The following DLGAP1 variants were observed in gnomAD, a reference collection of about 807,000 sequenced individuals.
The protein encoded by DLGAP1 is DLG associated protein 1, also known as disks large-associated protein 1.
DLGAP1 carries 11 observed loss-of-function variants against 90.8 expected under a neutral mutation model. That is an observed-to-expected ratio of 0.12 (90% confidence interval 0.08 to 0.20). DLGAP1 has a LOEUF of 0.20. Among genes scored for constraint, DLGAP1 ranks in the 10% least tolerant of loss-of-function variants. DLGAP1 has a pLI of 1.00. For missense variants in DLGAP1, 1,050 were observed against 1,333.8 expected (o/e 0.79, Z 3.31); for synonymous variants, 558 against 540.7 (o/e 1.03, Z -0.44).
chr18:4,183,537 ACTTT>A (rs1222682750), intron 1 of DLGAP1, among the ~76,000 whole-genome samples: 1 of 152,110 alleles, frequency 6.6e-6, no homozygotes, highest in African/African-American at 2.4e-5. Flanking sequence ...CTATAATTTA[ACTTT>A]CTTAAACTTT....
rs758540559 is a variant in DLGAP1 at position 3,581,962 on chromosome 18, G to C, written c.1878C>G (p.Thr626=). 1 of 1,614,088 alleles carries C rather than the reference G, an allele frequency of 6.2e-7. No individual in the cohort carries two copies. Among genetic ancestry groups the C allele is most frequent in the Non-Finnish European group, 8.5e-7 (1 of 1,180,000 alleles). ...QHMGNNTATV[T]TTTTIATVTT... ...TGACGGTGGCTATGGTAGTCGTGGT[G>C]GTGACGGTGGCAGTGTTATTGCCCA... Residue 626 remains threonine (T), a synonymous_variant, in exon 8 of 13, where the codon ACC becomes ACG. Transcript: ENST00000315677.
chr18:3,866,128 T>A (rs1487921491), intron 4 of DLGAP1, among the ~76,000 whole-genome samples: 1 of 152,184 alleles, frequency 6.6e-6, no homozygotes, highest in Non-Finnish European at 1.5e-5. Context: ...AGTGATTTTG[T>A]AGTCTGAGTC....
chr18:4,265,468 CCCTTCCTTCCTT>C (rs113453447), intron 1 of DLGAP1, among the ~76,000 whole-genome samples: 1 of 139,100 alleles, frequency 7.2e-6, no homozygotes, highest in Non-Finnish European at 1.5e-5. Flanking sequence ...TGCACCCAGC[CCCTTCCTTCCTT>C]CCTTCCTTTC....
intron 2 of DLGAP1, among the ~76,000 whole-genome samples, chr18:4,126,182 G>A (rs1054188028): frequency 6.6e-6 from 1 of 152,104 alleles, no homozygotes; most frequent in Non-Finnish European, 1.5e-5. Flanking sequence ...GGGGTAGGGG[G>A]ATCACATTAA....
chr18:4,396,628 A>G (rs1369986695), intron 1 of DLGAP1, among the ~76,000 whole-genome samples: 1 of 152,142 alleles, frequency 6.6e-6, no homozygotes, highest in Non-Finnish European at 1.5e-5. Context: ...CTCAAGAGCA[A>G]TTTGGTTGGT....
rs183449028 is a variant in DLGAP1, at chr18:3,542,649, T to C, written c.2058-8034A>G. Among the ~76,000 whole-genome samples the C allele has an allele frequency of 8.7e-4, 133 of 152,344 alleles. 1 individual carries two copies. In the Middle Eastern group the frequency reaches 0.01, roughly 12 times the overall value. On this transcript the variant is annotated intron_variant, in intron 9 of 12. Coordinates refer to ENST00000315677, the MANE Select transcript of DLGAP1 (RefSeq NM_004746.4). ...TAGCTTCTTTGCATACCCCCAAGAATGACAGTTGTCACTTGTCAGTTTGAC... is the reference window on the plus strand; with the variant it reads ...TAGCTTCTTTGCATACCCCCAAGAACGACAGTTGTCACTTGTCAGTTTGAC...
In DLGAP1 at chr18:3,498,996, G is replaced by T; in HGVS notation, c.*189C>A. 2 of 571,108 alleles carry T rather than the reference G, an allele frequency of 3.5e-6. No homozygotes were observed. Among genetic ancestry groups the T allele is most frequent in the South Asian group, 2.2e-5 (1 of 44,640 alleles). 35.4% of individuals were successfully genotyped at this position (571,108 alleles called of 1,614,324 possible). On this transcript the variant is annotated 3_prime_UTR_variant, in exon 13 of 13. Coordinates refer to ENST00000315677, the MANE Select transcript of DLGAP1 (RefSeq NM_004746.4). Reference sequence around the variant, plus strand: ...TCGGTGAAGAAGGAGATGGGCAAACGGGTACGGGAAGTGGGGGGCTGAGGG... The same window carrying T: ...TCGGTGAAGAAGGAGATGGGCAAACTGGTACGGGAAGTGGGGGGCTGAGGG...
chr18:4,343,120 A>T (rs918232826), intron 1 of DLGAP1, among the ~76,000 whole-genome samples: 8 of 152,112 alleles, frequency 5.3e-5, no homozygotes, highest in Non-Finnish European at 1.0e-4. Flanking sequence ...ATCCTGTCTA[A>T]CATGGTGAAA....
intron 3 of DLGAP1, among the ~76,000 whole-genome samples, chr18:3,927,760 T>G (rs2072424539): frequency 6.6e-6 from 1 of 152,216 alleles, no homozygotes; most frequent in Non-Finnish European, 1.5e-5. Flanking sequence ...CATGTGAATT[T>G]ATTATTAAGG....
Position 4,433,962 on chromosome 18 carries a change from C to G in DLGAP1, c.-267+21044G>C, listed in dbSNP as rs368260719. ...TGTGATTCACATCTGGTCACACACC[C>G]TACATTCCAGCCATCACAAATTCCT... On this transcript the variant is annotated intron_variant, in intron 1 of 12. Transcript: ENST00000315677. 1.6e-4 allele frequency among the ~76,000 whole-genome samples: 24 copies of G among 152,080 alleles called. 2 individuals carry two copies. The highest frequency in any genetic ancestry group is 1.4e-3 in the Admixed American group (21 of 15,262).
At chr18:4,310,205 T>C (rs1245918068) in intron 1 of DLGAP1, among the ~76,000 whole-genome samples, 2 of 152,228 alleles carry the variant, frequency 1.3e-5, no homozygotes, top group Non-Finnish European at 2.9e-5. Flanking sequence ...AGACTCCTCA[T>C]TCAGAAGATA....
chr18:3,632,536 C>T (rs1295714014), intron 7 of DLGAP1, among the ~76,000 whole-genome samples: 1 of 152,140 alleles, frequency 6.6e-6, no homozygotes. Context: ...CTCCTGACCT[C>T]AGGTGATCTG....
At chr18:3,624,292 C>T (rs368278508) in intron 7 of DLGAP1, among the ~76,000 whole-genome samples, 3 of 152,352 alleles carry the variant, frequency 2.0e-5, no homozygotes, top group East Asian at 1.9e-4. Flanking sequence ...CCTGCGTGCC[C>T]CTGCCCCGCG....
Position 4,038,628 on chromosome 18 carries a change from C to T in DLGAP1, c.-158-33427G>A, listed in dbSNP as rs567934082. Among the ~76,000 whole-genome samples the T allele has an allele frequency of 4.5e-4, 69 of 152,126 alleles. No individual in the cohort carries two copies. The South Asian group carries it at 8.1e-3, about 18-fold the overall frequency. On this transcript the variant is annotated intron_variant, in intron 2 of 12. Transcript: ENST00000315677. ...GAAGGAAGGCAGTTAAGGATCTAGC[C>T]GGTCCACAAATATTGAAGGAATAAT...
intron 4 of DLGAP1, among the ~76,000 whole-genome samples, chr18:3,850,255 G>A (rs2069261401): frequency 6.6e-6 from 1 of 152,116 alleles, no homozygotes. Context: ...GCCAGGCATT[G>A]TGGTGGCTGC....
chr18:4,302,436 TG>T (rs1309886533), intron 1 of DLGAP1, among the ~76,000 whole-genome samples: 1 of 152,184 alleles, frequency 6.6e-6, no homozygotes, highest in African/African-American at 2.4e-5. Context: ...GCACCTTTGT[TG>T]AAAATCAATG....
intron 4 of DLGAP1, among the ~76,000 whole-genome samples, chr18:3,870,653 A>ATCT (rs1241825845): frequency 1.4e-5 from 2 of 140,340 alleles, no homozygotes; most frequent in Admixed American, 7.1e-5. Context: ...TCTATCTATC[A>ATCT]AATAAAGTTT....
chr18:3,731,309 C>T (rs1032660318), intron 6 of DLGAP1, among the ~76,000 whole-genome samples: 2 of 150,468 alleles, frequency 1.3e-5, no homozygotes, highest in African/African-American at 5.0e-5. Context: ...GGATGATTAT[C>T]TTTCCAGATA....
chr18:4,437,500 A>G (rs1019714880), intron 1 of DLGAP1, among the ~76,000 whole-genome samples: 2 of 152,230 alleles, frequency 1.3e-5, no homozygotes, highest in Non-Finnish European at 2.9e-5. Context: ...TATAATACCC[A>G]ATATAATGTA....
Sources: allele counts gnomAD v4.1 joint callset (sites outside exome capture counted in the v4.1 genomes callset), GRCh38; gene constraint gnomAD v4.1.1; transcripts MANE v1.5; gene names NCBI Gene and HGNC (gene_info 2026-07-23, HGNC 2026-07-21).